Variants in OASL observed in about 807,000 individuals in gnomAD.
The protein encoded by OASL is 2'-5'-oligoadenylate synthase-like protein.
Under a neutral mutation model 35.3 loss-of-function variants are expected in OASL, and 28 were observed. The observed-to-expected ratio is 0.79, with a 90% CI of 0.59 to 1.09. The LOEUF is 1.09. Among genes scored for constraint, OASL ranks in the 50% least tolerant of loss-of-function variants. The pLI, the probability that OASL is intolerant of heterozygous loss-of-function variation, is 0.00. For missense variants in OASL, 620 were observed against 635.2 expected (o/e 0.98, Z 0.26); for synonymous variants, 252 against 254.6 (o/e 0.99, Z 0.10).
At chr12:121,030,796 C>T (rs1262251724) in intron 3 of OASL, among the ~76,000 whole-genome samples, 4 of 152,002 alleles carry the variant, frequency 2.6e-5, no homozygotes, top group Non-Finnish European at 4.4e-5. Context: ...CCACAGTACC[C>T]GGCGAAGCTG....
intron 5 of OASL, among the ~76,000 whole-genome samples, chr12:121,023,112 T>C (rs1269624855): frequency 2.0e-5 from 3 of 152,148 alleles, no homozygotes; most frequent in African/African-American, 7.2e-5. Context: ...GCCTATACTA[T>C]AGGTTTGGCA....
intron 4 of OASL, among the ~76,000 whole-genome samples, chr12:121,025,530 C>T (rs773774858): frequency 2.6e-5 from 4 of 151,236 alleles, no homozygotes; most frequent in Non-Finnish European, 4.4e-5. Flanking sequence ...TTTGTGGGGC[C>T]GAGGTGGGCA....
intron 1 of OASL, among the ~76,000 whole-genome samples, chr12:121,036,767 G>A (rs901799763): frequency 6.6e-6 from 1 of 152,158 alleles, no homozygotes; most frequent in Non-Finnish European, 1.5e-5. Flanking sequence ...AGGAGGGTCT[G>A]CCAGAGTCAG....
intron 3 of OASL, among the ~76,000 whole-genome samples, chr12:121,028,836 G>A (rs898840890): frequency 5.9e-5 from 9 of 152,038 alleles, no homozygotes; most frequent in Non-Finnish European, 1.2e-4. Flanking sequence ...AGGCCGAGGC[G>A]GGTGGATCAC....
At chr12:121,024,258 G>C in intron 4 of OASL, 121 bp from the exon 5 acceptor site, 1 of 1,092,318 alleles carries the variant, frequency 9.2e-7, no homozygotes, top group Non-Finnish European at 1.3e-6. Flanking sequence ...ACATCCCGGG[G>C]ATGTTCAAGA....
At chr12:121,024,516 G>A (rs1869400098) in intron 4 of OASL, among the ~76,000 whole-genome samples, 1 of 152,098 alleles carries the variant, frequency 6.6e-6, no homozygotes, top group Admixed American at 6.5e-5. Context: ...TACTCAGAAG[G>A]CTGAGGCAGG....
rs769173549 is a variant in OASL at position 121,027,526 on chromosome 12, C to T, written c.899+50G>A. Reference sequence around the variant, plus strand: ...AACTCTATGCCACGTTACACTAGCCCGTCTCTCTTTTTTTCTGTAAGATTT... The same window carrying T: ...AACTCTATGCCACGTTACACTAGCCTGTCTCTCTTTTTTTCTGTAAGATTT... On this transcript the variant is annotated intron_variant, in intron 4 of 5. Transcript: ENST00000257570. 61 of 1,607,970 alleles carry T rather than the reference C, an allele frequency of 3.8e-5. No homozygotes were observed. In the South Asian group the frequency reaches 4.4e-4, roughly 12 times the overall value.
chr12:121,030,301 T>G (rs1464057958), intron 3 of OASL, among the ~76,000 whole-genome samples: 1 of 151,614 alleles, frequency 6.6e-6, no homozygotes, highest in Non-Finnish European at 1.5e-5. Flanking sequence ...GCCTCCTGGG[T>G]TCACACCATT....
chr12:121,031,296 T>C, intron 3 of OASL, 146 bp downstream of exon 3: 1 of 727,812 alleles, frequency 1.4e-6, no homozygotes, highest in South Asian at 1.9e-5. Context: ...CGGTTTCACT[T>C]TACATTTCAA....
downstream of OASL, among the ~76,000 whole-genome samples, chr12:121,018,042 G>A (rs1458748428): frequency 4.6e-5 from 7 of 152,216 alleles, no homozygotes. Flanking sequence ...TTTTGTGACA[G>A]GCATTTGTTA....
At chr12:121,020,633 G>C (rs1386123806) in exon 6 of OASL, 35 of 1,614,050 alleles carry the variant, frequency 2.2e-5, no homozygotes, top group Non-Finnish European at 2.6e-5. Context: ...GGATGCCATA[G>C]ATCCCCAGAC....
intron 3 of OASL, among the ~76,000 whole-genome samples, chr12:121,029,834 T>A (rs1869654295): frequency 6.6e-6 from 1 of 152,224 alleles, no homozygotes; most frequent in Non-Finnish European, 1.5e-5. Context: ...TTTTCTTCAA[T>A]ATTAGTGAAA....
At chr12:121,034,868 C>G (rs1019135863) in intron 1 of OASL, among the ~76,000 whole-genome samples, 1 of 152,152 alleles carries the variant, frequency 6.6e-6, no homozygotes, top group African/African-American at 2.4e-5. Flanking sequence ...CTTAGACAAT[C>G]TCTTCTGCTG....
chr12:121,038,495 GCAAAGAATAGTACCTATCT>G (rs1328508743), intron 1 of OASL, among the ~76,000 whole-genome samples: 1 of 152,180 alleles, frequency 6.6e-6, no homozygotes, highest in Admixed American at 6.6e-5. Context: ...TGTAAACTGG[GCAAAGAATAGTACCTATCT>G]CACAGAGTGC....
At chr12:121,033,589 A>C (rs1318440133) in exon 2 of OASL, 1 of 1,614,090 alleles carries the variant, frequency 6.2e-7, no homozygotes, top group Non-Finnish European at 8.5e-7. Flanking sequence ...GAGGTCCAGC[A>C]GGTCCTGGCT....
At chr12:121,033,969 C>A (rs755221277) in intron 1 of OASL, among the ~76,000 whole-genome samples, 1 of 152,084 alleles carries the variant, frequency 6.6e-6, no homozygotes, top group Non-Finnish European at 1.5e-5. Flanking sequence ...TTGACACTTC[C>A]CTGTTTCTTA....
intron 2 of OASL, among the ~76,000 whole-genome samples, chr12:121,032,986 C>T (rs754311904): frequency 4.6e-5 from 7 of 151,922 alleles, no homozygotes; most frequent in South Asian, 4.1e-4. Context: ...AGTGCAATGG[C>T]GCGATCTTGA....
intron 3 of OASL, among the ~76,000 whole-genome samples, chr12:121,028,983 T>G (rs1869616038): frequency 6.7e-6 from 1 of 148,562 alleles, no homozygotes; most frequent in Non-Finnish European, 1.5e-5. Context: ...GAGAATCGCT[T>G]GAACCCAGGA....
intron 5 of OASL, chr12:121,023,648 A>C (rs574348742): frequency 3.8e-5 from 8 of 212,878 alleles, no homozygotes; most frequent in Middle Eastern, 4.1e-3. Context: ...CACATCCCCT[A>C]CCCCATCCCT....
Sources: gnomAD v4.1 joint callset for allele counts (sites outside exome capture counted in the v4.1 genomes callset) on GRCh38, gnomAD v4.1.1 for gene constraint, MANE v1.5 for transcripts, NCBI Gene and HGNC (gene_info 2026-07-23, HGNC 2026-07-21) for gene names.